BMP6: variants seen among roughly 807,000 people sequenced by gnomAD.
BMP6 encodes the protein VG-1-R.
A neutral mutation model predicts 54.1 loss-of-function variants in BMP6; 17 were observed. The observed-to-expected ratio is 0.31, with a 90% confidence interval of 0.22 to 0.47. The LOEUF is 0.47. BMP6 is among the 20% of genes least tolerant of loss of function. The pLI is 1.00. For synonymous variants in BMP6, 328 were observed against 291.2 expected (o/e 1.13, Z -1.28); for missense variants, 720 against 690.4 (o/e 1.04, Z -0.48).
chr6:7,788,499 T>C (rs1169091800), intron 1 of BMP6, among the ~76,000 whole-genome samples: 2 of 152,220 alleles, frequency 1.3e-5, no homozygotes, highest in Non-Finnish European at 1.5e-5. Flanking sequence ...TCTGTATGTT[T>C]TTATGCCGAG....
At chr6:7,817,708 G>A (rs572203637) in intron 1 of BMP6, among the ~76,000 whole-genome samples, 4 of 151,758 alleles carry the variant, frequency 2.6e-5, no homozygotes, top group South Asian at 4.2e-4. Context: ...ATGTACCCTA[G>A]AACTTAAAGT....
intron 1 of BMP6, among the ~76,000 whole-genome samples, chr6:7,780,311 G>A (rs1015710164): frequency 6.6e-6 from 1 of 152,030 alleles, no homozygotes; most frequent in Non-Finnish European, 1.5e-5. Context: ...ACTTTGGAAG[G>A]CCGAGGCGGG....
At chr6:7,732,499 C>T (rs1761880362) in intron 1 of BMP6, among the ~76,000 whole-genome samples, 1 of 152,190 alleles carries the variant, frequency 6.6e-6, no homozygotes, top group Non-Finnish European at 1.5e-5. Flanking sequence ...TACCTCTGAT[C>T]AGCTTGGAGG....
intron 1 of BMP6, among the ~76,000 whole-genome samples, chr6:7,785,595 C>A (rs1485174929): frequency 6.6e-6 from 1 of 152,144 alleles, no homozygotes. Context: ...AAATGGAGGT[C>A]GTGCAACATG....
intron 1 of BMP6, among the ~76,000 whole-genome samples, chr6:7,803,059 G>A (rs1170475736): frequency 6.6e-6 from 1 of 152,208 alleles, no homozygotes; most frequent in Non-Finnish European, 1.5e-5. Context: ...TTGAAGTTGT[G>A]ATGGGTGCTA....
intron 1 of BMP6, among the ~76,000 whole-genome samples, chr6:7,794,533 C>T (rs1758164162): frequency 6.8e-6 from 1 of 148,124 alleles, no homozygotes; most frequent in Non-Finnish European, 1.5e-5. Flanking sequence ...CCAGGAGTTC[C>T]AGGTTGCAGT....
chr6:7,764,273 C>G (rs1757654242), intron 1 of BMP6, among the ~76,000 whole-genome samples: 1 of 152,196 alleles, frequency 6.6e-6, no homozygotes, highest in Admixed American at 6.5e-5. Flanking sequence ...GTTTAACATA[C>G]AAGACCTTGG....
intron 1 of BMP6, among the ~76,000 whole-genome samples, chr6:7,763,840 C>T (rs898586405): frequency 2.6e-5 from 4 of 152,232 alleles, no homozygotes; most frequent in African/African-American, 7.2e-5. Context: ...GACCTTCTCT[C>T]TGCCCACCCT....
chr6:7,772,440 G>T (rs766452420), intron 1 of BMP6, among the ~76,000 whole-genome samples: 1 of 152,126 alleles, frequency 6.6e-6, no homozygotes, highest in Non-Finnish European at 1.5e-5. Context: ...GACTGAGGGG[G>T]ACCAGACCAC....
chr6:7,789,335 A>G (rs909163906), intron 1 of BMP6, among the ~76,000 whole-genome samples: 1 of 152,230 alleles, frequency 6.6e-6, no homozygotes, highest in African/African-American at 2.4e-5. Context: ...TTAAGAATCA[A>G]CCACACCTGT....
At chr6:7,783,616 A>G (rs1172689795) in intron 1 of BMP6, among the ~76,000 whole-genome samples, 1 of 152,274 alleles carries the variant, frequency 6.6e-6, no homozygotes, top group East Asian at 1.9e-4. Flanking sequence ...AGTGGTCTGC[A>G]AATCAGAGGC....
chr6:7,872,888 T>C lies in BMP6; in HGVS notation c.1205-6186T>C, dbSNP rs183294839. Among the ~76,000 whole-genome samples the C allele has an allele frequency of 1.5e-3, 229 of 150,454 alleles. 3 individuals are homozygous for C. Among genetic ancestry groups the C allele is most frequent in the African/African-American group, 5.3e-3 (214 of 40,742 alleles). On this transcript the variant is annotated intron_variant, in intron 4 of 6. Transcript: ENST00000283147. ...AGTATGGTGGCATAATCAGGGCTCA[T>C]TGCAGCTTCAATCTCCAGGGATCAA...
At chr6:7,806,615 A>C (rs2876113) in intron 1 of BMP6, among the ~76,000 whole-genome samples, 41,994 of 152,106 alleles carry the variant, frequency 0.28, 6,398 homozygotes, top group East Asian at 0.55. Context: ...ACAAAAAAAA[A>C]CAAGTGATTT....
At chr6:7,728,331 G>T (rs935559536) in intron 1 of BMP6, among the ~76,000 whole-genome samples, 1 of 152,218 alleles carries the variant, frequency 6.6e-6, no homozygotes, top group African/African-American at 2.4e-5. Context: ...CTGAACCTTT[G>T]ATCAATGCAG....
chr6:7,794,501 G>A (rs1454963154), intron 1 of BMP6, among the ~76,000 whole-genome samples: 2 of 151,700 alleles, frequency 1.3e-5, no homozygotes, highest in Non-Finnish European at 2.9e-5. Flanking sequence ...TCCAGAGGCT[G>A]AGGCAGAAGG....
In BMP6 at chr6:7,727,278, G is replaced by C; in HGVS notation, c.323G>C (p.Arg108Pro). 1 of 1,605,748 alleles carries C rather than the reference G, an allele frequency of 6.2e-7. No individual in the cohort carries two copies. Among genetic ancestry groups the C allele is most frequent in the Non-Finnish European group, 8.5e-7 (1 of 1,176,894 alleles). Residue 108 changes from arginine to proline, a missense_variant, in exon 1 of 7, where the codon CGG becomes CCG. Physicochemically the swap from Arg to Pro is moderately radical, Grantham distance 103. Around this residue, in one of 3 missense-constraint regions of BMP6, gnomAD observed 650 missense variants for 556.3 expected, o/e 1.17. Transcript: ENST00000283147. Reference protein sequence around the residue: ...GLQQPQPPALRQQEEQQQQQQ... With the variant: ...GLQQPQPPALPQQEEQQQQQQ... ...CAACAGCCGCAGCCCCCGGCGCTCC[G>C]GCAGCAGGAGGAGCAGCAGCAGCAG... is the stretch of plus-strand genomic sequence containing the variant.
intron 4 of BMP6, among the ~76,000 whole-genome samples, chr6:7,864,981 G>C (rs1759396382): frequency 6.6e-6 from 1 of 152,140 alleles, no homozygotes; most frequent in Non-Finnish European, 1.5e-5. Flanking sequence ...ATGAACTGTG[G>C]TCAGTTTGGT....
Position 7,742,132 on chromosome 6 carries a change from A to G in BMP6, c.664+14513A>G, listed in dbSNP as rs978654102. On this transcript the variant is annotated intron_variant, in intron 1 of 6. Transcript: ENST00000283147. ...ATAAGAAATGCTTATTAAGTTCTGTATGTGGCAGTGGTTATAAAAAGGGAA... is the reference window on the plus strand; with the variant it reads ...ATAAGAAATGCTTATTAAGTTCTGTGTGTGGCAGTGGTTATAAAAAGGGAA... Among the ~76,000 whole-genome samples, 6 of 152,234 alleles carry G rather than the reference A, an allele frequency of 3.9e-5. No individual in the cohort carries two copies. The East Asian group carries it at 9.6e-4, about 24-fold the overall frequency.
In BMP6 at chr6:7,742,367, G is replaced by A. The variant is rs1757281174; in HGVS notation, c.664+14748G>A. 2.0e-5 allele frequency among the ~76,000 whole-genome samples: 3 copies of A among 152,326 alleles called. No homozygotes were observed. The South Asian group carries it at 6.2e-4, about 32-fold the overall frequency. On this transcript the variant is annotated intron_variant, in intron 1 of 6. Coordinates refer to ENST00000283147, the MANE Select transcript of BMP6 (RefSeq NM_001718.6). ...AAGCTTCGAGCTTTCATGCATGCAA[G>A]GAGGCACGACTCTTCACGCAGGTGC...
Sources: gnomAD v4.1 joint callset for allele counts (sites outside exome capture counted in the v4.1 genomes callset) on GRCh38, gnomAD v4.1.1 for gene constraint, gnomAD v4.1.1 regional missense constraint, MANE v1.5 for transcripts, NCBI Gene and HGNC (gene_info 2026-07-23, HGNC 2026-07-21) for gene names.